The following EHF variants were observed in gnomAD, a reference collection of about 807,000 sequenced individuals.
EHF encodes the protein ESE3 transcription factor.
EHF carries 14 observed loss-of-function variants against 45.1 expected under a neutral mutation model. The ratio of observed to expected loss-of-function variants is 0.31; its 90% CI spans 0.21 to 0.49. The LOEUF is 0.49. EHF is among the 20% of genes least tolerant of loss of function. The pLI is 0.99. For synonymous variants in EHF, 136 were observed against 131.8 expected (o/e 1.03, Z -0.22); for missense variants, 282 against 371.4 (o/e 0.76, Z 1.98).
At position 34,661,481 on chromosome 11, in the gene EHF, C is replaced by T. The variant is rs1483400189; in HGVS notation, c.*2550C>T. ...TGAATGTGAAGAGTACCAACTACAA[C>T]AATTCTACAGATAATTAGTGGATTG... On this transcript the variant is annotated 3_prime_UTR_variant, in exon 9 of 9. Transcript: ENST00000257831. Among the ~76,000 whole-genome samples the T allele has an allele frequency of 2.0e-5, 3 of 152,190 alleles. No homozygotes were observed. The highest frequency in any genetic ancestry group is 4.4e-5 in the Non-Finnish European group (3 of 68,032).
intron 3 of EHF, among the ~76,000 whole-genome samples, chr11:34,647,158 G>GAA (rs996846937): frequency 6.6e-6 from 1 of 150,860 alleles, no homozygotes; most frequent in Non-Finnish European, 1.5e-5. Context: ...GTGGTAAGAA[G>GAA]ATATATGAAA....
chr11:34,646,696 T>C lies in EHF; in HGVS notation c.343+12T>C. The C allele has an allele frequency of 6.2e-7, 1 of 1,605,790 alleles. No homozygotes were observed. On this transcript the variant is annotated intron_variant, in intron 3 of 8. Coordinates refer to ENST00000257831, the MANE Select transcript of EHF (RefSeq NM_012153.6). Reference sequence around the variant, plus strand: ...TCTGAAGTGGAACGGTGACTCTCTCTTTCTGTGTCTCTCCCTACCCTGCTA... The same window carrying C: ...TCTGAAGTGGAACGGTGACTCTCTCCTTCTGTGTCTCTCCCTACCCTGCTA...
chr11:34,652,629 G>A (rs1221004092), intron 6 of EHF, among the ~76,000 whole-genome samples: 2 of 152,238 alleles, frequency 1.3e-5, no homozygotes, highest in African/African-American at 4.8e-5. Context: ...TTAGACATCA[G>A]TCACAAGTGA....
In EHF at chr11:34,658,521, G is replaced by A. The variant is rs1855871574; in HGVS notation, c.608-12G>A. On this transcript the variant is annotated splice_polypyrimidine_tract_variant and intron_variant, in intron 7 of 8. Coordinates refer to ENST00000257831, the MANE Select transcript of EHF (RefSeq NM_012153.6). ...TAGATCATTAGTAACCTGCCTTTCT[G>A]CTTTTCATCAGACCCGAGAGGGACT... 2 of 1,607,616 alleles carry A rather than the reference G, an allele frequency of 1.2e-6. No homozygotes were observed. The highest frequency in any genetic ancestry group is 1.7e-6 in the Non-Finnish European group (2 of 1,176,102).
At chr11:34,627,979 G>A (rs1255335529) in intron 1 of EHF, among the ~76,000 whole-genome samples, 2 of 152,180 alleles carry the variant, frequency 1.3e-5, no homozygotes, top group African/African-American at 4.8e-5. Flanking sequence ...TAACAAGGAA[G>A]CACATATATT....
rs1447390023 is a variant in EHF, at chr11:34,660,761, G to A, written c.*1830G>A. On this transcript the variant is annotated 3_prime_UTR_variant, in exon 9 of 9. Transcript: ENST00000257831. ...AATGAAGACATGTATCCATAAGAAG[G>A]AGTGCTCTTCATCAACTAATAGAGC... is the stretch of plus-strand genomic sequence containing the variant. The A allele has an allele frequency of 6.6e-6, 1 of 152,106 alleles. No homozygotes were observed. The highest frequency in any genetic ancestry group is 1.9e-4 in the East Asian group (1 of 5,196). 9.4% of individuals were successfully genotyped at this position (152,106 alleles called of 1,614,324 possible). A position where few individuals can be genotyped will look rare whatever the true frequency, so the allele number is the denominator to read the frequency against.
chr11:34,657,118 C>T, intron 7 of EHF, 148 bp downstream of exon 7: 1 of 928,736 alleles, frequency 1.1e-6, no homozygotes. Context: ...ATAGAGGCAT[C>T]ACTTGCTAGC....
chr11:34,658,515 C>T lies in EHF; in HGVS notation c.608-18C>T, dbSNP rs1185072474. 1.9e-6 allele frequency: 3 copies of T among 1,605,488 alleles called. No individual in the cohort carries two copies. Among genetic ancestry groups the T allele is most frequent in the Admixed American group, 1.7e-5 (1 of 59,218 alleles). On this transcript the variant is annotated intron_variant, in intron 7 of 8. Transcript: ENST00000257831. ...GTGACTTAGATCATTAGTAACCTGCCTTTCTGCTTTTCATCAGACCCGAGA... is the reference window on the plus strand; with the variant it reads ...GTGACTTAGATCATTAGTAACCTGCTTTTCTGCTTTTCATCAGACCCGAGA...
intron 6 of EHF, among the ~76,000 whole-genome samples, chr11:34,653,335 C>G (rs286893): frequency 0.49 from 74,475 of 151,994 alleles, 19,203 homozygotes; most frequent in East Asian, 0.87. Context: ...GCTGCCCTGA[C>G]AGCTGGGCCA....
Position 34,641,439 on chromosome 11 carries a change from G to A in EHF, c.-3-1189G>A, listed in dbSNP as rs530683941. ...ATAGGCCTTACTCAGAACAAGAGGA[G>A]CCGTAGCTAAATTAGGGGAAGGAAT... On this transcript the variant is annotated intron_variant, in intron 1 of 8. Transcript: ENST00000257831. Among the ~76,000 whole-genome samples, 28 of 152,272 alleles carry A rather than the reference G, an allele frequency of 1.8e-4. 1 individual carries two copies. The East Asian group carries it at 5.2e-3, about 28-fold the overall frequency.
In EHF at chr11:34,628,649, T is replaced by C. The variant is rs1852593512; in HGVS notation, c.-4+7421T>C. ...TAATAAGAATGATAATGGTAATTTG[T>C]TGAGTGCCTGCTGTAAGCCAGGTGG... On this transcript the variant is annotated intron_variant, in intron 1 of 8. Transcript: ENST00000257831. Among the ~76,000 whole-genome samples, 4 of 152,314 alleles carry C rather than the reference T, an allele frequency of 2.6e-5. No individual in the cohort carries two copies. The South Asian group carries it at 8.3e-4, about 32-fold the overall frequency.
At chr11:34,631,836 A>G (rs1341214186) in intron 1 of EHF, among the ~76,000 whole-genome samples, 1 of 152,180 alleles carries the variant, frequency 6.6e-6, no homozygotes, top group Non-Finnish European at 1.5e-5. Flanking sequence ...GAAGTCAACC[A>G]TTTAGAAGAG....
intron 1 of EHF, among the ~76,000 whole-genome samples, chr11:34,641,777 A>G (rs751252798): frequency 2.6e-5 from 4 of 152,178 alleles, no homozygotes; most frequent in Non-Finnish European, 5.9e-5. Context: ...ACAATTGAAG[A>G]CAATATTTCT....
intron 1 of EHF, among the ~76,000 whole-genome samples, chr11:34,636,276 T>G (rs974965654): frequency 2.6e-5 from 4 of 152,246 alleles, no homozygotes; most frequent in African/African-American, 7.2e-5. Context: ...ACTTTATAGA[T>G]GAGGAAACTG....
In EHF at chr11:34,649,031, G is replaced by A; in HGVS notation, c.356G>A (p.Ser119Asn). 6.2e-7 allele frequency: 1 copy of A among 1,614,052 alleles called. No individual in the cohort carries two copies. The highest frequency in any genetic ancestry group is 1.1e-5 in the South Asian group (1 of 91,068). ...CTGTCCTTCACAGGCCAGTGCAGTA[G>A]TGACCTGTTCCAGTCCACACACAAT... ...QHLKWNGQCS[S>N]DLFQSTHNVI... The change falls in exon 4 of 9, where the codon AGT becomes AAT. Residue 119 changes from serine (S) to asparagine (N), a missense_variant. By Grantham distance (46) the Ser-to-Asn change is conservative. Coordinates refer to ENST00000257831, the MANE Select transcript of EHF (RefSeq NM_012153.6).
At chr11:34,657,053 A>G in intron 7 of EHF, 83 bp downstream of exon 7, 2 of 1,506,702 alleles carry the variant, frequency 1.3e-6, no homozygotes, top group Non-Finnish European at 1.8e-6. Context: ...TTTGGCAAAT[A>G]TCGCCTCTGT....
In EHF at chr11:34,662,778, G is replaced by GGTGAGGA. The variant is rs1253808798; in HGVS notation, c.*3848_*3849insTGAGGAG. On this transcript the variant is annotated 3_prime_UTR_variant, in exon 9 of 9. Transcript: ENST00000257831. ...GAGTGCCTGCTATGTGCACGGCATGGGCCCATATGTGTGAGGAGCTTGTCT... is the reference window on the plus strand; with the variant it reads ...GAGTGCCTGCTATGTGCACGGCATGGGTGAGGAGCCCATATGTGTGAGGAGCTTGTCT... Among the ~76,000 whole-genome samples the GGTGAGGA allele has an allele frequency of 6.6e-6, 1 of 152,028 alleles. No homozygotes were observed. Among genetic ancestry groups the GGTGAGGA allele is most frequent in the Non-Finnish European group, 1.5e-5 (1 of 67,984 alleles).
chr11:34,627,849 G>A (rs1047131621), intron 1 of EHF, among the ~76,000 whole-genome samples: 1 of 152,124 alleles, frequency 6.6e-6, no homozygotes, highest in African/African-American at 2.4e-5. Flanking sequence ...CTGCAATTGT[G>A]ACTATCACCA....
rs1346714682 is a variant in EHF, at chr11:34,663,068, C to T, written c.*4137C>T. Among the ~76,000 whole-genome samples the T allele has an allele frequency of 1.3e-5, 2 of 152,012 alleles. No individual in the cohort carries two copies. The highest frequency in any genetic ancestry group is 1.3e-4 in the Admixed American group (2 of 15,248). On this transcript the variant is annotated 3_prime_UTR_variant, in exon 9 of 9. Coordinates refer to ENST00000257831, the MANE Select transcript of EHF (RefSeq NM_012153.6). The stretch of plus-strand genomic sequence containing the variant: ...TCTTTCTGTAGTTATCTGCATAATT[C>T]TTGTTTTTCTTTCCATCTGGCTCCT...
Sources: gnomAD v4.1 joint callset for allele counts (sites outside exome capture counted in the v4.1 genomes callset) on GRCh38, gnomAD v4.1.1 for gene constraint, MANE v1.5 for transcripts, NCBI Gene and HGNC (gene_info 2026-07-23, HGNC 2026-07-21) for gene names.